Variants in MPP7 observed in about 807,000 individuals in gnomAD.
MPP7 encodes MAGUK p55 scaffold protein 7.
In MPP7, 60 loss-of-function variants were observed where a neutral mutation model predicts 76.5. The observed-to-expected ratio is 0.78, with a 90% CI of 0.64 to 0.97. The LOEUF (loss-of-function observed/expected upper bound fraction) is 0.97. MPP7 is among the 50% of genes least tolerant of loss of function. MPP7 has a pLI of 0.00. For missense variants in MPP7, 641 were observed against 694.0 expected (o/e 0.92, Z 0.86); for synonymous variants, 237 against 244.5 (o/e 0.97, Z 0.29).
chr10:28,082,348 T>C (rs1194394993), intron 12 of MPP7, among the ~76,000 whole-genome samples: 1 of 152,194 alleles, frequency 6.6e-6, no homozygotes, highest in African/African-American at 2.4e-5. Context: ...TATCTTATTA[T>C]GTTTAGTTAA....
At chr10:28,057,605 CTTT>C (rs59550501) in intron 15 of MPP7, 40 of 122,584 alleles carry the variant, frequency 3.3e-4, no homozygotes, top group African/African-American at 2.3e-3. Flanking sequence ...AATTAAACCT[CTTT>C]TTTTTTTTTT....
At chr10:28,209,186 A>C (rs916392059) in intron 2 of MPP7, among the ~76,000 whole-genome samples, 3 of 152,192 alleles carry the variant, frequency 2.0e-5, no homozygotes, top group South Asian at 4.1e-4. Context: ...CCCAGTCGCA[A>C]GTATTCCTCT....
At chr10:28,124,763 G>A (rs1834963285) in intron 7 of MPP7, among the ~76,000 whole-genome samples, 1 of 152,006 alleles carries the variant, frequency 6.6e-6, no homozygotes, top group Non-Finnish European at 1.5e-5. Context: ...GATTACAGGC[G>A]TGAGCCACCA....
chr10:28,213,234 C>T (rs7893685), intron 2 of MPP7, among the ~76,000 whole-genome samples: 27,059 of 151,844 alleles, frequency 0.18, 2,748 homozygotes, highest in African/African-American at 0.27. Context: ...GATCCTTGTA[C>T]GGGAAGTGGG....
intron 3 of MPP7, among the ~76,000 whole-genome samples, chr10:28,164,389 C>T (rs1291789268): frequency 6.6e-6 from 1 of 151,946 alleles, no homozygotes; most frequent in Non-Finnish European, 1.5e-5. Context: ...CACCTCTTCA[C>T]ACTGTATAGC....
chr10:28,158,950 G>C (rs1361136580), intron 3 of MPP7, among the ~76,000 whole-genome samples: 3 of 152,058 alleles, frequency 2.0e-5, no homozygotes, highest in African/African-American at 7.2e-5. Context: ...TCTTGCAAAG[G>C]GTATTGGGGG....
rs549621404 is a variant in MPP7 at position 28,316,435 on chromosome 10, TAAAAAAAAAAAAAAAAA to T, written c.-132+13477_-132+13493del. Among the ~76,000 whole-genome samples, 122 of 37,148 alleles carry T rather than the reference TAAAAAAAAAAAAAAAAA, an allele frequency of 3.3e-3. 2 individuals are homozygous for T. Among genetic ancestry groups the T allele is most frequent in the Non-Finnish European group, 5.1e-3 (96 of 18,648 alleles). 24.4% of individuals were successfully genotyped at this position (37,148 alleles called of 152,430 possible). On this transcript the variant is annotated intron_variant, in intron 2 of 11. Coordinates refer to the MPP7 transcript ENST00000441595. ...GGGCAACAGAGTAAGACTCTGTCTT[TAAAAAAAAAAAAAAAAA>T]AAAAAAAAAAAAAAAAAAAACTATC...
intron 13 of MPP7, among the ~76,000 whole-genome samples, chr10:28,068,671 GCCAATTACTA>G (rs1229071434): frequency 6.6e-6 from 1 of 152,082 alleles, no homozygotes; most frequent in African/African-American, 2.4e-5. Context: ...AACATCATCT[GCCAATTACTA>G]CATATAAAAA....
rs150166464 is a variant in MPP7 at position 28,314,567 on chromosome 10, G to A, written c.-132+15362C>T. Reference sequence around the variant, plus strand: ...AGTCCAAACGATTTTGAGAACAATCGCAAAGTGTTGAAGAATCTCCAAAGA... The same window carrying A: ...AGTCCAAACGATTTTGAGAACAATCACAAAGTGTTGAAGAATCTCCAAAGA... On this transcript the variant is annotated intron_variant, in intron 2 of 11. Coordinates refer to the MPP7 transcript ENST00000441595. Among the ~76,000 whole-genome samples the A allele has an allele frequency of 6.2e-3, 948 of 152,288 alleles. 6 individuals carry two copies. Among genetic ancestry groups the A allele is most frequent in the Middle Eastern group, 0.037 (11 of 294 alleles).
chr10:28,089,983 C>T lies in MPP7; in HGVS notation c.953-142G>A. On this transcript the variant is annotated intron_variant, in intron 11 of 16. Transcript: ENST00000683449. ...AGTTAAAACCCTAATGTTTTAGAGA[C>T]AGGGTCTCACTCTGTTGCCCAACCT... The T allele has an allele frequency of 5.2e-6, 3 of 571,590 alleles. No individual in the cohort carries two copies. In the South Asian group the frequency reaches 7.8e-5, roughly 15 times the overall value. The allele number at this position is 571,590 out of a possible 1,614,324, so 35.4% of individuals were successfully genotyped here.
At chr10:28,060,100 T>C (rs985964476) in intron 13 of MPP7, among the ~76,000 whole-genome samples, 1 of 152,034 alleles carries the variant, frequency 6.6e-6, no homozygotes, top group Non-Finnish European at 1.5e-5. Flanking sequence ...TTGATCTTCA[T>C]TCATTAAAGC....
At chr10:28,054,995 C>T (rs1412560184) in intron 16 of MPP7, among the ~76,000 whole-genome samples, 2 of 152,044 alleles carry the variant, frequency 1.3e-5, no homozygotes, top group African/African-American at 2.4e-5. Context: ...CACGTTCCTT[C>T]GATGTCTCAT....
chr10:28,307,242 G>T (rs927682662), upstream of MPP7, among the ~76,000 whole-genome samples: 7 of 152,308 alleles, frequency 4.6e-5, no homozygotes, highest in Non-Finnish European at 8.8e-5. Context: ...CGAAGGCTTG[G>T]ATGGTAATTT....
chr10:28,124,161 C>G (rs1554838685), intron 7 of MPP7, 45 bp from the exon 8 acceptor site: 11 of 1,274,836 alleles, frequency 8.6e-6, no homozygotes, highest in South Asian at 1.2e-5. Context: ...TACCCACAAC[C>G]AAAACTGTAA....
intron 1 of MPP7, among the ~76,000 whole-genome samples, chr10:28,285,904 C>T (rs920584539): frequency 2.6e-5 from 4 of 151,558 alleles, no homozygotes; most frequent in African/African-American, 9.7e-5. Flanking sequence ...ATGAACATAA[C>T]TTTCTTCATG....
chr10:28,168,294 G>A (rs16928566), intron 3 of MPP7, among the ~76,000 whole-genome samples: 20,224 of 151,896 alleles, frequency 0.13, 2,044 homozygotes, highest in African/African-American at 0.28. Flanking sequence ...TTTTCTACCC[G>A]TTTTCTCTTA....
At chr10:28,056,362 T>G (rs1234324954) in intron 16 of MPP7, 118 bp downstream of exon 16, 1 of 1,048,326 alleles carries the variant, frequency 9.5e-7, no homozygotes, top group Admixed American at 2.6e-5. Flanking sequence ...TTTCACCACC[T>G]TGGCCAGGCT....
chr10:28,058,565 C>T lies in MPP7; in HGVS notation c.1337G>A (p.Gly446Asp), dbSNP rs1851651809. The change falls in exon 15 of 17, where the codon GGC becomes GAC. Residue 446 changes from glycine (G) to aspartate (D), a missense_variant. Coordinates refer to ENST00000683449, the MANE Select transcript of MPP7 (RefSeq NM_001318170.2). ...AGACCGAACTGAGTCTATACTTGTG[C>T]CGTAGTAGTTGTTTTTATATTCTCC... is the stretch of plus-strand genomic sequence containing the variant. ...EYGEYKNNYY[G>D]TSIDSVRSVL... 6.2e-7 allele frequency: 1 copy of T among 1,601,578 alleles called. No homozygotes were observed. Among genetic ancestry groups the T allele is most frequent in the Admixed American group, 1.7e-5 (1 of 58,494 alleles).
intron 12 of MPP7, among the ~76,000 whole-genome samples, chr10:28,085,068 C>T (rs768973479): frequency 1.3e-5 from 2 of 152,180 alleles, no homozygotes; most frequent in Non-Finnish European, 2.9e-5. Context: ...AATGAATGAA[C>T]AGTCCTTTAA....
Sources: gnomAD v4.1 joint callset for allele counts (sites outside exome capture counted in the v4.1 genomes callset) on GRCh38, gnomAD v4.1.1 for gene constraint, MANE v1.5 for transcripts, NCBI Gene and HGNC (gene_info 2026-07-23, HGNC 2026-07-21) for gene names.